The following PTAFR variants were observed in gnomAD, a reference collection of about 807,000 sequenced individuals.
PTAFR encodes the protein platelet activating factor receptor, also known as platelet-activating factor receptor.
Under a neutral mutation model 14.7 loss-of-function variants are expected in PTAFR, and 8 were observed. The observed-to-expected ratio is 0.54, with a 90% CI of 0.32 to 0.98. The LOEUF (loss-of-function observed/expected upper bound fraction) is 0.98, where lower values mean the gene tolerates loss of function less well. Among genes scored for constraint, PTAFR ranks in the 50% least tolerant of loss-of-function variants. PTAFR has a pLI of 0.04. For synonymous variants in PTAFR, 156 were observed against 176.5 expected, an observed-to-expected ratio of 0.88 and a Z score of 0.92; for missense variants, 337 against 451.2, an observed-to-expected ratio of 0.75 and a Z score of 2.29.
rs1646234452 is a variant in PTAFR at position 28,154,162 on chromosome 1, C to T, written c.-38-3103G>A. 5.9e-5 allele frequency among the ~76,000 whole-genome samples: 9 copies of T among 151,998 alleles called. No homozygotes were observed. In the South Asian group the frequency reaches 1.9e-3, roughly 32 times the overall value. On this transcript the variant is annotated intron_variant, in intron 1 of 1. Transcript: ENST00000373857. ...GAGCACCTTCTTTGGAGCCAGGTACCCTGCTAGGTGCTTCCACGTGTACTA... is the reference window on the plus strand; with the variant it reads ...GAGCACCTTCTTTGGAGCCAGGTACTCTGCTAGGTGCTTCCACGTGTACTA...
chr1:28,173,641 ACT>A (rs1646478137), intron 1 of PTAFR, among the ~76,000 whole-genome samples: 1 of 144,510 alleles, frequency 6.9e-6, no homozygotes. Flanking sequence ...ACAGAGCAAG[ACT>A]CTGTCTCAAA....
At chr1:28,168,340 T>G (rs547302) in intron 1 of PTAFR, among the ~76,000 whole-genome samples, 1 of 152,188 alleles carries the variant, frequency 6.6e-6, no homozygotes, top group South Asian at 2.1e-4. Context: ...TCATCAAGCG[T>G]GGAAACACCT....
rs1646158783 is a variant in PTAFR at position 28,149,919 on chromosome 1, G to A, written c.*74C>T. The A allele has an allele frequency of 1.3e-6, 2 of 1,532,046 alleles. No individual in the cohort carries two copies. The highest frequency in any genetic ancestry group is 2.0e-4 in the Middle Eastern group (1 of 4,906). 94.9% of individuals were successfully genotyped at this position (1,532,046 alleles called of 1,614,324 possible). ...CCACAGAGGTGGTGCCCAGACCACA[G>A]TAGATATCCCTTCTTCCCCCAGCTC... is the stretch of plus-strand genomic sequence containing the variant. On this transcript the variant is annotated 3_prime_UTR_variant, in exon 2 of 2. Transcript: ENST00000373857.
chr1:28,183,181 T>C (rs1446900442), intron 1 of PTAFR, among the ~76,000 whole-genome samples: 2 of 152,112 alleles, frequency 1.3e-5, no homozygotes, highest in Admixed American at 1.3e-4. Flanking sequence ...CTTATTGGGA[T>C]GTTAAGTGCT....
rs140341028 is a variant in PTAFR at position 28,157,204 on chromosome 1, A to G, written c.-38-6145T>C. ...ACCCAGACTGGAGTGCAGTGGCACAATCTTGGCTTACTGCAACCTCCACCT... is the reference window on the plus strand; with the variant it reads ...ACCCAGACTGGAGTGCAGTGGCACAGTCTTGGCTTACTGCAACCTCCACCT... On this transcript the variant is annotated intron_variant, in intron 1 of 1. Transcript: ENST00000373857. Among the ~76,000 whole-genome samples, 1,057 of 152,190 alleles carry G rather than the reference A, an allele frequency of 6.9e-3. 14 individuals carry two copies. Among genetic ancestry groups the G allele is most frequent in the African/African-American group, 0.025 (1,026 of 41,534 alleles).
intron 1 of PTAFR, among the ~76,000 whole-genome samples, chr1:28,168,387 G>A (rs1472215798): frequency 6.6e-6 from 1 of 152,174 alleles, no homozygotes; most frequent in East Asian, 1.9e-4. Context: ...TAAGCAAAAT[G>A]TGGTATATAC....
chr1:28,155,349 TAC>T (rs1328036184), intron 1 of PTAFR, among the ~76,000 whole-genome samples: 1 of 152,144 alleles, frequency 6.6e-6, no homozygotes, highest in Non-Finnish European at 1.5e-5. Flanking sequence ...TAGCTGGGAT[TAC>T]AGGTGTGTGC....
intron 1 of PTAFR, among the ~76,000 whole-genome samples, chr1:28,153,788 C>G (rs1291840116): frequency 6.6e-6 from 1 of 151,024 alleles, no homozygotes; most frequent in South Asian, 2.1e-4. Flanking sequence ...CTCTGGAGGC[C>G]GAGGCAGGAG....
rs1026150199 is a variant in PTAFR at position 28,165,676 on chromosome 1, G to A, written c.-39+10916C>T. Among the ~76,000 whole-genome samples the A allele has an allele frequency of 9.9e-5, 15 of 151,620 alleles. 1 individual carries two copies. The highest frequency in any genetic ancestry group is 1.8e-4 in the Non-Finnish European group (12 of 67,920). ...CAGGCGCCTGTAGTCCCAGCTACTC[G>A]GGAGGCTGAGGCAGGAGAATGGCAT... is the stretch of plus-strand genomic sequence containing the variant. On this transcript the variant is annotated intron_variant, in intron 1 of 1. Coordinates refer to ENST00000373857, the MANE Select transcript of PTAFR (RefSeq NM_000952.5).
rs762900268 is a variant in PTAFR, at chr1:28,150,479, G to A, written c.543C>T (p.Ser181=). 47 of 1,614,106 alleles carry A rather than the reference G, an allele frequency of 2.9e-5. No individual in the cohort carries two copies. Among genetic ancestry groups the A allele is most frequent in the South Asian group, 2.6e-4 (24 of 91,086 alleles). ...TRCFEHYEKG[S]VPVLIIHIFI... The stretch of plus-strand genomic sequence containing the variant: ...AGATGTGGATGATGAGGACTGGCAC[G>A]CTGCCCTTCTCGTAATGCTCAAAGC... Residue 181 remains serine, a synonymous_variant, in exon 2 of 2, where the codon AGC becomes AGT. Transcript: ENST00000373857. This position sits in a 1 kb window ranked among gnomAD's most constrained non-coding sequence, Gnocchi z 6.3.
intron 1 of PTAFR, among the ~76,000 whole-genome samples, chr1:28,175,589 A>C (rs1646504047): frequency 6.6e-6 from 1 of 151,818 alleles, no homozygotes; most frequent in South Asian, 2.1e-4. Flanking sequence ...GCACAGCCCC[A>C]TGTCTGGACC....
intron 1 of PTAFR, among the ~76,000 whole-genome samples, chr1:28,185,528 A>G (rs1646599064): frequency 6.6e-6 from 1 of 152,214 alleles, no homozygotes; most frequent in South Asian, 2.1e-4. Context: ...GGAAAAGGGC[A>G]TGGGTTTTAG....
intron 1 of PTAFR, among the ~76,000 whole-genome samples, chr1:28,166,989 AAATT>A (rs1245869598): frequency 2.0e-5 from 3 of 152,118 alleles, no homozygotes; most frequent in African/African-American, 2.4e-5. Flanking sequence ...AACAACAAAA[AAATT>A]AATTAATTAG....
In PTAFR at chr1:28,150,845, G is replaced by A; in HGVS notation, c.177C>T (p.Leu59=). 1 of 1,614,146 alleles carries A rather than the reference G, an allele frequency of 6.2e-7. No individual in the cohort carries two copies. The highest frequency in any genetic ancestry group is 8.5e-7 in the Non-Finnish European group (1 of 1,180,046). The change falls in exon 2 of 2, where the codon CTC becomes CTT. Residue 59 remains leucine, a synonymous_variant. Transcript: ENST00000373857. This position sits in a 1 kb window ranked among gnomAD's most constrained non-coding sequence, Gnocchi z 6.3. ...FNEIKIFMVN[L]TMADMLFLIT... ...TCAAGAAGAGCATGTCCGCCATGGTGAGGTTCACCATGAAGATCTTTATCT... is the reference window on the plus strand; with the variant it reads ...TCAAGAAGAGCATGTCCGCCATGGTAAGGTTCACCATGAAGATCTTTATCT...
At chr1:28,193,285 G>T (rs1046324648) in intron 1 of PTAFR, among the ~76,000 whole-genome samples, 3 of 151,846 alleles carry the variant, frequency 2.0e-5, no homozygotes, top group African/African-American at 4.8e-5. Context: ...TGTCAGTGCA[G>T]TTGTGCATGT....
chr1:28,168,978 C>T (rs903608656), intron 1 of PTAFR, among the ~76,000 whole-genome samples: 2 of 152,048 alleles, frequency 1.3e-5, no homozygotes, highest in African/African-American at 4.8e-5. Context: ...AAGTTGAAAA[C>T]ATTCTATTGG....
At chr1:28,158,697 T>TA (rs957194987) in intron 1 of PTAFR, among the ~76,000 whole-genome samples, 51 of 146,570 alleles carry the variant, frequency 3.5e-4, no homozygotes, top group East Asian at 9.9e-4. Flanking sequence ...GACTCCATCT[T>TA]AAAAAAAAAA....
At chr1:28,156,097 A>G (rs1646260376) in intron 1 of PTAFR, among the ~76,000 whole-genome samples, 1 of 151,954 alleles carries the variant, frequency 6.6e-6, no homozygotes, top group Admixed American at 6.6e-5. Context: ...CCCCACCACT[A>G]CTAAAAATAC....
intron 1 of PTAFR, among the ~76,000 whole-genome samples, chr1:28,152,737 C>CT (rs1646208937): frequency 6.6e-6 from 1 of 152,004 alleles, no homozygotes; most frequent in South Asian, 2.1e-4. Flanking sequence ...GAGCAAGACT[C>CT]TGTCTCGAAA....
Sources: allele counts gnomAD v4.1 joint callset (sites outside exome capture counted in the v4.1 genomes callset), GRCh38; gene constraint gnomAD v4.1.1; non-coding constraint Gnocchi (gnomAD v3.1); transcripts MANE v1.5; gene names NCBI Gene and HGNC (gene_info 2026-07-23, HGNC 2026-07-21).